CNTN6: variants seen among roughly 807,000 people sequenced by gnomAD.
CNTN6 encodes contactin-6.
Under a neutral mutation model 122.8 loss-of-function variants are expected in CNTN6, and 137 were observed. That is an observed-to-expected ratio of 1.12 (90% CI 0.97 to 1.29). CNTN6 has a LOEUF of 1.29. Ranked by LOEUF, CNTN6 falls within the 50% of genes most tolerant of loss-of-function variation. The probability of loss-of-function intolerance (pLI) is 0.00; values close to 1 mark genes in which losing one functional copy is unlikely to be tolerated. For missense variants in CNTN6, 1,634 were observed against 1,223.4 expected, an observed-to-expected ratio of 1.34 and a Z score of -5.01; for synonymous variants, 570 against 426.0, an observed-to-expected ratio of 1.34 and a Z score of -4.16.
chr3:1,326,581 T>A (rs1195997966), intron 9 of CNTN6, among the ~76,000 whole-genome samples: 2 of 151,888 alleles, frequency 1.3e-5, no homozygotes, highest in East Asian at 1.9e-4. Flanking sequence ...ATTTCTCCAT[T>A]TAAAGCATAC....
At chr3:1,240,950 T>C (rs1276566845) in intron 4 of CNTN6, among the ~76,000 whole-genome samples, 2 of 151,696 alleles carry the variant, frequency 1.3e-5, no homozygotes, top group African/African-American at 4.9e-5. Flanking sequence ...GGTTGTTCTC[T>C]GGTGGGCATG....
At chr3:1,306,098 AC>A (rs1698312152) in intron 7 of CNTN6, among the ~76,000 whole-genome samples, 1 of 152,156 alleles carries the variant, frequency 6.6e-6, no homozygotes, top group Non-Finnish European at 1.5e-5. Context: ...TGAATTAATC[AC>A]TCAGGTATCT....
intron 20 of CNTN6, among the ~76,000 whole-genome samples, chr3:1,400,810 G>C (rs939101624): frequency 5.3e-5 from 8 of 152,058 alleles, no homozygotes; most frequent in Non-Finnish European, 1.2e-4. Flanking sequence ...GGTACTCTCT[G>C]GCAAGATGAG....
intron 14 of CNTN6, 59 bp from the exon 15 acceptor site, chr3:1,373,534 AACCATCCTAGT>A: frequency 6.8e-7 from 1 of 1,460,254 alleles, no homozygotes. Flanking sequence ...GGTAAAAATA[AACCATCCTAGT>A]ACCAAATTAA....
chr3:1,261,444 A>C (rs2125708415), intron 4 of CNTN6, among the ~76,000 whole-genome samples: 1 of 152,300 alleles, frequency 6.6e-6, no homozygotes, highest in East Asian at 1.9e-4. Flanking sequence ...AGCCCAGCAT[A>C]GGCCAAGGAA....
intron 1 of CNTN6, among the ~76,000 whole-genome samples, chr3:1,113,588 A>G (rs1437926302): frequency 2.0e-5 from 3 of 152,170 alleles, no homozygotes; most frequent in Admixed American, 2.0e-4. Flanking sequence ...TTAAAAGATA[A>G]TTTTAAACAT....
intron 2 of CNTN6, among the ~76,000 whole-genome samples, chr3:1,206,749 T>A (rs1377216225): frequency 6.6e-6 from 1 of 152,182 alleles, no homozygotes; most frequent in Non-Finnish European, 1.5e-5. Context: ...TCTTGCTAGG[T>A]CCTTAGTAAC....
chr3:1,105,167 G>C (rs1217812767), intron 1 of CNTN6, among the ~76,000 whole-genome samples: 1 of 152,014 alleles, frequency 6.6e-6, no homozygotes, highest in Non-Finnish European at 1.5e-5. Flanking sequence ...GACCATCCTT[G>C]TTAATACTAA....
intron 2 of CNTN6, among the ~76,000 whole-genome samples, chr3:1,166,031 A>T (rs1055690570): frequency 6.6e-6 from 1 of 152,198 alleles, no homozygotes; most frequent in African/African-American, 2.4e-5. Context: ...CTCTGAGAAG[A>T]TGCATGAGGA....
chr3:1,383,364 G>A lies in CNTN6; in HGVS notation c.2473G>A (p.Ala825Thr). The stretch of plus-strand genomic sequence containing the variant: ...TTCTGAAATGGAGGTTTCATGGAAT[G>A]CTATTGCCTGGAATAGAAACACTGG... ...SASEMEVSWN[A>T]IAWNRNTGRV... The change falls in exon 19 of 23, where the codon GCT becomes ACT. Residue 825 changes from alanine to threonine, a missense_variant. Coordinates refer to ENST00000446702, the MANE Select transcript of CNTN6 (RefSeq NM_001289080.2). The A allele has an allele frequency of 1.9e-6, 3 of 1,614,002 alleles. No homozygotes were observed. The highest frequency in any genetic ancestry group is 2.5e-6 in the Non-Finnish European group (3 of 1,179,894).
At chr3:1,336,373 T>C (rs942250705) in intron 11 of CNTN6, among the ~76,000 whole-genome samples, 4 of 152,066 alleles carry the variant, frequency 2.6e-5, no homozygotes, top group Non-Finnish European at 5.9e-5. Context: ...TAAATTTGTA[T>C]CATTTTTACC....
chr3:1,336,441 T>G (rs867177412), intron 11 of CNTN6, among the ~76,000 whole-genome samples: 10 of 152,248 alleles, frequency 6.6e-5, no homozygotes, highest in African/African-American at 2.2e-4. Context: ...AGAATCAAAC[T>G]GACTCAATTA....
chr3:1,325,176 T>C (rs265783), intron 8 of CNTN6, among the ~76,000 whole-genome samples: 3 of 151,914 alleles, frequency 2.0e-5, no homozygotes, highest in Admixed American at 2.0e-4. Context: ...CTCACTACTA[T>C]GAAGAACTTT....
At chr3:1,363,978 G>A (rs1559927208) in intron 12 of CNTN6, among the ~76,000 whole-genome samples, 3 of 151,782 alleles carry the variant, frequency 2.0e-5, no homozygotes, top group Non-Finnish European at 1.5e-5. Flanking sequence ...ATCTCATCAT[G>A]GTTTAGATTT....
At chr3:1,099,913 T>C (rs1425530618) in intron 1 of CNTN6, among the ~76,000 whole-genome samples, 1 of 152,186 alleles carries the variant, frequency 6.6e-6, no homozygotes, top group Non-Finnish European at 1.5e-5. Flanking sequence ...AATAACTATT[T>C]TAACATAAAA....
At chr3:1,297,638 CTTTTTTTT>C (rs71303106) in intron 6 of CNTN6, among the ~76,000 whole-genome samples, 1 of 138,544 alleles carries the variant, frequency 7.2e-6, no homozygotes, top group Admixed American at 7.3e-5. Context: ...TTGTTTTTTT[CTTTTTTTT>C]TTTTTTTATT....
chr3:1,329,134 ACAT>A (rs1163220095), intron 10 of CNTN6, among the ~76,000 whole-genome samples: 2 of 151,186 alleles, frequency 1.3e-5, no homozygotes, highest in African/African-American at 4.8e-5. Flanking sequence ...TGTTTCTTCA[ACAT>A]CATATGTTCC....
At chr3:1,187,234 A>T (rs2093641072) in intron 2 of CNTN6, among the ~76,000 whole-genome samples, 1 of 152,124 alleles carries the variant, frequency 6.6e-6, no homozygotes, top group South Asian at 2.1e-4. Context: ...ATGCGTAATG[A>T]AGTATGTTTT....
chr3:1,190,918 T>C (rs2093692825), intron 2 of CNTN6, among the ~76,000 whole-genome samples: 1 of 152,168 alleles, frequency 6.6e-6, no homozygotes, highest in African/African-American at 2.4e-5. Flanking sequence ...ACCACTTTTC[T>C]TGTCTTCCTT....
Sources: allele counts gnomAD v4.1 joint callset (sites outside exome capture counted in the v4.1 genomes callset), GRCh38; gene constraint gnomAD v4.1.1; transcripts MANE v1.5; gene names NCBI Gene and HGNC (gene_info 2026-07-23, HGNC 2026-07-21).